NREP: variants seen among roughly 807,000 people sequenced by gnomAD.
NREP encodes neuronal regeneration-related protein.
NREP carries 5 observed loss-of-function variants against 8.6 expected under a neutral mutation model. That is an observed-to-expected ratio of 0.58 (90% CI 0.30 to 1.22). The LOEUF (loss-of-function observed/expected upper bound fraction) is 1.22, where lower values mean the gene tolerates loss of function less well. Among genes scored for constraint, NREP ranks in the 50% most tolerant of loss-of-function variants. The pLI is 0.07. For synonymous variants in NREP, 27 were observed against 28.0 expected, an observed-to-expected ratio of 0.96 and a Z score of 0.11; for missense variants, 86 against 82.5, an observed-to-expected ratio of 1.04 and a Z score of -0.17.
chr5:111,755,885 C>A (rs147683578), intron 1 of NREP, 55 bp from the exon 2 acceptor site: 12 of 1,591,704 alleles, frequency 7.5e-6, no homozygotes, highest in South Asian at 6.8e-5. Context: ...GGTCAGCAAA[C>A]GAAAAATGCC....
chr5:111,924,822 G>C (rs950255638), intron 2 of NREP, among the ~76,000 whole-genome samples: 63 of 152,234 alleles, frequency 4.1e-4, no homozygotes, highest in African/African-American at 1.5e-3. Context: ...TTTTCCCCTG[G>C]CTTGCTCACA....
chr5:111,792,806 A>G (rs1751781629), intron 2 of NREP, among the ~76,000 whole-genome samples: 2 of 152,234 alleles, frequency 1.3e-5, no homozygotes, highest in Non-Finnish European at 2.9e-5. Context: ...TCTGCTGGTG[A>G]TTCAACCATG....
chr5:111,931,049 G>C (rs971498815), intron 2 of NREP, among the ~76,000 whole-genome samples: 2 of 151,992 alleles, frequency 1.3e-5, no homozygotes, highest in African/African-American at 4.8e-5. Flanking sequence ...AAAGAATTTG[G>C]ATCTTTGACA....
rs112515874 is a variant in NREP at position 111,869,572 on chromosome 5, G to A, written c.135+105702C>T. Among the ~76,000 whole-genome samples the A allele has an allele frequency of 4.2e-3, 643 of 152,240 alleles. 1 individual carries two copies. The highest frequency in any genetic ancestry group is 0.014 in the African/African-American group (591 of 41,548). On this transcript the variant is annotated intron_variant, in intron 2 of 3. Coordinates refer to the NREP transcript ENST00000395634. ...TTGGTTTTAGTGTAATACAGGTGAT[G>A]CAGTATAATGTCATGGCTAACTCAG...
intron 2 of NREP, chr5:111,755,489 G>A (rs1328523751): frequency 7.0e-6 from 3 of 427,262 alleles, no homozygotes; most frequent in Admixed American, 3.4e-5. Flanking sequence ...TTAAAGAACC[G>A]AATAGTTTCT....
At chr5:111,846,525 C>G (rs1243263874) in intron 2 of NREP, 1 of 140,978 alleles carries the variant, frequency 7.1e-6, no homozygotes, top group Non-Finnish European at 1.5e-5. Flanking sequence ...TCATTGATCT[C>G]TTGGGCTCTT....
At chr5:111,872,661 C>T (rs527837523) in intron 2 of NREP, among the ~76,000 whole-genome samples, 2 of 152,076 alleles carry the variant, frequency 1.3e-5, no homozygotes, top group East Asian at 3.9e-4. Context: ...ATGGTTAGAA[C>T]ACCTTAAAGG....
At chr5:111,908,479 G>A (rs914580350) in intron 2 of NREP, among the ~76,000 whole-genome samples, 1 of 151,904 alleles carries the variant, frequency 6.6e-6, no homozygotes, top group Non-Finnish European at 1.5e-5. Flanking sequence ...TCATCTTTAT[G>A]TCCATGTGTA....
intron 2 of NREP, among the ~76,000 whole-genome samples, chr5:111,882,016 A>G (rs1754091338): frequency 6.6e-6 from 1 of 152,234 alleles, no homozygotes; most frequent in Admixed American, 6.5e-5. Flanking sequence ...AAGGCTTCAG[A>G]TGATCAAACT....
At chr5:111,844,593 G>T (rs1263301796) in intron 2 of NREP, among the ~76,000 whole-genome samples, 1 of 148,580 alleles carries the variant, frequency 6.7e-6, no homozygotes, top group Admixed American at 6.7e-5. Flanking sequence ...TTTATTTCAA[G>T]ATTTATTTTG....
intron 2 of NREP, among the ~76,000 whole-genome samples, chr5:111,938,749 C>G (rs912968758): frequency 6.6e-6 from 1 of 152,048 alleles, no homozygotes; most frequent in Non-Finnish European, 1.5e-5. Context: ...GCATAAAAAG[C>G]TGGTGAATAC....
chr5:111,872,021 C>CATATATAT (rs144779629), intron 2 of NREP, among the ~76,000 whole-genome samples: 11 of 149,004 alleles, frequency 7.4e-5, no homozygotes, highest in Admixed American at 2.0e-4. Context: ...GGTTCCATTT[C>CATATATAT]ATATATATAT....
intron 2 of NREP, among the ~76,000 whole-genome samples, chr5:111,843,725 C>T (rs993691197): frequency 4.6e-5 from 7 of 152,262 alleles, no homozygotes; most frequent in African/African-American, 1.7e-4. Context: ...CTTTACCAGT[C>T]AGCCCATTTA....
intron 2 of NREP, among the ~76,000 whole-genome samples, chr5:111,831,021 G>A (rs1581149259): frequency 1.3e-5 from 2 of 152,146 alleles, no homozygotes; most frequent in East Asian, 3.9e-4. Context: ...GTAGAAAAAC[G>A]CTAGTTTAAA....
intron 2 of NREP, among the ~76,000 whole-genome samples, chr5:111,797,134 C>A (rs1171998779): frequency 6.6e-6 from 1 of 151,976 alleles, no homozygotes; most frequent in Non-Finnish European, 1.5e-5. Flanking sequence ...TCACTGGTAG[C>A]AAATACACAT....
intron 2 of NREP, among the ~76,000 whole-genome samples, chr5:111,827,237 T>C (rs1752650695): frequency 1.3e-5 from 2 of 152,212 alleles, no homozygotes; most frequent in African/African-American, 4.8e-5. Context: ...AGTGGAATAA[T>C]GGGCACTGCT....
chr5:111,911,311 T>C (rs905321419), intron 2 of NREP, among the ~76,000 whole-genome samples: 6 of 152,134 alleles, frequency 3.9e-5, no homozygotes, highest in African/African-American at 1.2e-4. Flanking sequence ...TTTTTCTAAA[T>C]AGACTGATGA....
At chr5:111,929,511 G>A (rs1051855478) in intron 2 of NREP, among the ~76,000 whole-genome samples, 1 of 152,182 alleles carries the variant, frequency 6.6e-6, no homozygotes, top group Non-Finnish European at 1.5e-5. Context: ...TAAAGCTTGT[G>A]CTGGCCACAT....
intron 2 of NREP, among the ~76,000 whole-genome samples, chr5:111,878,545 A>G (rs1366113389): frequency 6.6e-6 from 1 of 152,218 alleles, no homozygotes; most frequent in Non-Finnish European, 1.5e-5. Context: ...GGGGATTACA[A>G]TTCAAGATGA....
Sources: allele counts gnomAD v4.1 joint callset (sites outside exome capture counted in the v4.1 genomes callset), GRCh38; gene constraint gnomAD v4.1.1; transcripts MANE v1.5; gene names NCBI Gene and HGNC (gene_info 2026-07-23, HGNC 2026-07-21).